Variants in DLGAP2 observed in about 807,000 individuals in gnomAD.
The protein encoded by DLGAP2 is DLG associated protein 2.
In DLGAP2, 26 loss-of-function variants were observed where a neutral mutation model predicts 100.3. The observed-to-expected ratio is 0.26, with a 90% CI of 0.19 to 0.36. The LOEUF (loss-of-function observed/expected upper bound fraction) is 0.36. Among genes scored for constraint, DLGAP2 ranks in the 10% least tolerant of loss-of-function variants. DLGAP2 has a pLI of 1.00. For synonymous variants in DLGAP2, 886 were observed against 630.1 expected (o/e 1.41, Z -6.08); for missense variants, 1,858 against 1,453.2 (o/e 1.28, Z -4.53).
chr8:914,597 TC>T (rs1239465731), intron 2 of DLGAP2, among the ~76,000 whole-genome samples: 1 of 152,202 alleles, frequency 6.6e-6, no homozygotes, highest in Non-Finnish European at 1.5e-5. Flanking sequence ...TCAGCCCCCA[TC>T]CGTTCTGGGC....
In DLGAP2 at chr8:1,705,194, G is replaced by C. The variant is rs1039569902; in HGVS notation, c.*3788G>C. The C allele has an allele frequency of 6.6e-6, 1 of 152,286 alleles. No homozygotes were observed. The highest frequency in any genetic ancestry group is 1.5e-5 in the Non-Finnish European group (1 of 68,102). The allele number at this position is 152,286 out of a possible 1,614,324, so 9.4% of individuals were successfully genotyped here. On this transcript the variant is annotated 3_prime_UTR_variant, in exon 15 of 15. Coordinates refer to ENST00000637795, the MANE Select transcript of DLGAP2 (RefSeq NM_001346810.2). ...CAAACCTTCGAGGGGCGAGTAGGGA[G>C]TGGGGGAGGTGGGTCCAAGTCTCCC...
chr8:1,027,104 T>G (rs1405528611), intron 2 of DLGAP2, among the ~76,000 whole-genome samples: 7 of 150,932 alleles, frequency 4.6e-5, no homozygotes, highest in African/African-American at 4.9e-5. Flanking sequence ...TAGGGAAGGG[T>G]TTTTTTTTAC....
At chr8:1,352,982 C>A (rs780733892) in intron 3 of DLGAP2, among the ~76,000 whole-genome samples, 22 of 152,216 alleles carry the variant, frequency 1.4e-4, no homozygotes, top group Non-Finnish European at 2.9e-4. Flanking sequence ...CATGTGTAGA[C>A]AGGATTGAAG....
At chr8:865,439 T>C (rs1460543351) in intron 1 of DLGAP2, among the ~76,000 whole-genome samples, 1 of 152,200 alleles carries the variant, frequency 6.6e-6, no homozygotes, top group Non-Finnish European at 1.5e-5. Context: ...TCAGGTCTAC[T>C]TGCAGCCTCC....
At chr8:1,291,257 C>T (rs976276431) in intron 3 of DLGAP2, among the ~76,000 whole-genome samples, 1 of 152,138 alleles carries the variant, frequency 6.6e-6, no homozygotes, top group African/African-American at 2.4e-5. Context: ...AACCAAACAT[C>T]TGCTGTCTTC....
chr8:1,669,789 G>A lies in DLGAP2; in HGVS notation c.2202+5G>A. 1.3e-6 allele frequency: 1 copy of A among 780,924 alleles called. No homozygotes were observed. The highest frequency in any genetic ancestry group is 2.4e-6 in the Non-Finnish European group (1 of 417,986). 48.4% of individuals were successfully genotyped at this position (780,924 alleles called of 1,614,324 possible). On this transcript the variant is annotated splice_donor_5th_base_variant and intron_variant, in intron 10 of 14. Coordinates refer to ENST00000637795, the MANE Select transcript of DLGAP2 (RefSeq NM_001346810.2). ...CAGCCATACCCAAGGTCAGATGTAA[G>A]TACCGAAATGTGCTCCAAAGCCGCG...
intron 1 of DLGAP2, among the ~76,000 whole-genome samples, chr8:795,491 T>C (rs1796004028): frequency 6.6e-6 from 1 of 152,202 alleles, no homozygotes; most frequent in Non-Finnish European, 1.5e-5. Context: ...GCACCAAATC[T>C]GGACCAAATA....
chr8:1,230,442 G>A (rs560967107), intron 2 of DLGAP2, among the ~76,000 whole-genome samples: 18 of 152,140 alleles, frequency 1.2e-4, no homozygotes, highest in South Asian at 2.1e-4. Context: ...TGCCCAAAGC[G>A]ATCTACAGAT....
intron 3 of DLGAP2, among the ~76,000 whole-genome samples, chr8:1,367,019 C>T (rs1802124574): frequency 6.6e-6 from 1 of 152,174 alleles, no homozygotes; most frequent in African/African-American, 2.4e-5. Context: ...ATTTACATGG[C>T]AACCCCTCCA....
chr8:972,585 A>T (rs1800039512), intron 2 of DLGAP2, among the ~76,000 whole-genome samples: 1 of 149,784 alleles, frequency 6.7e-6, no homozygotes. Context: ...TGAAAAGCAA[A>T]GGTAGAAAAT....
intron 3 of DLGAP2, chr8:1,381,099 C>T (rs1042531996): frequency 1.4e-4 from 21 of 152,116 alleles, no homozygotes; most frequent in Non-Finnish European, 2.2e-4. Flanking sequence ...AAGGTCACGG[C>T]GCATGGTGAG....
At chr8:1,296,203 C>T (rs1383648085) in intron 3 of DLGAP2, 2 of 152,026 alleles carry the variant, frequency 1.3e-5, no homozygotes, top group African/African-American at 4.8e-5. Flanking sequence ...GGGCTGAGAC[C>T]CTTGATGACC....
At chr8:947,324 G>T (rs1438003191) in intron 2 of DLGAP2, among the ~76,000 whole-genome samples, 1 of 152,172 alleles carries the variant, frequency 6.6e-6, no homozygotes, top group Non-Finnish European at 1.5e-5. Context: ...CGGGGGCAGG[G>T]GTCCTGGCAG....
intron 2 of DLGAP2, among the ~76,000 whole-genome samples, chr8:924,433 C>G (rs1798772424): frequency 6.6e-6 from 1 of 152,024 alleles, no homozygotes; most frequent in African/African-American, 2.4e-5. Flanking sequence ...GTTGTGGGGT[C>G]CTGTTGTGTG....
intron 3 of DLGAP2, among the ~76,000 whole-genome samples, chr8:1,473,329 G>A (rs746382552): frequency 7.9e-5 from 12 of 152,148 alleles, no homozygotes; most frequent in African/African-American, 1.9e-4. Flanking sequence ...AGGTTCCTCC[G>A]CCCAGCAGAC....
chr8:1,294,423 C>A (rs1001044622), intron 3 of DLGAP2, among the ~76,000 whole-genome samples: 6 of 152,116 alleles, frequency 3.9e-5, no homozygotes, highest in Admixed American at 1.3e-4. Context: ...GCATTATTTT[C>A]CCCATTTTTC....
chr8:1,537,352 A>C (rs1270656534), intron 4 of DLGAP2, among the ~76,000 whole-genome samples: 1 of 152,106 alleles, frequency 6.6e-6, no homozygotes, highest in Non-Finnish European at 1.5e-5. Context: ...GGAGGTGAAC[A>C]AGGCAGGAAA....
At chr8:819,827 G>A (rs889730633) in intron 1 of DLGAP2, among the ~76,000 whole-genome samples, 4 of 152,120 alleles carry the variant, frequency 2.6e-5, no homozygotes, top group Non-Finnish European at 4.4e-5. Context: ...TGGCTGACTC[G>A]GCATGGAAAT....
chr8:1,074,958 A>T (rs906072526), intron 2 of DLGAP2, among the ~76,000 whole-genome samples: 1 of 149,982 alleles, frequency 6.7e-6, no homozygotes, highest in Non-Finnish European at 1.5e-5. Flanking sequence ...TCTCACCAAC[A>T]AACAGTGCAG....
Sources: allele counts gnomAD v4.1 joint callset (sites outside exome capture counted in the v4.1 genomes callset), GRCh38; gene constraint gnomAD v4.1.1; transcripts MANE v1.5; gene names NCBI Gene and HGNC (gene_info 2026-07-23, HGNC 2026-07-21).